TRPC7: variants seen among roughly 807,000 people sequenced by gnomAD.
The protein encoded by TRPC7 is short transient receptor potential channel 7.
In TRPC7, 42 loss-of-function variants were observed where a neutral mutation model predicts 90.1. The ratio of observed to expected loss-of-function variants is 0.47; its 90% CI spans 0.36 to 0.60. The LOEUF is 0.60. Among genes scored for constraint, TRPC7 ranks in the 20% least tolerant of loss-of-function variants. The pLI, the probability that TRPC7 is intolerant of heterozygous loss-of-function variation, is 0.00. For missense variants in TRPC7, 955 were observed against 1,112.3 expected (o/e 0.86, Z 2.01); for synonymous variants, 451 against 436.3 (o/e 1.03, Z -0.42).
At chr5:136,334,416 G>T (rs1365998984) in intron 2 of TRPC7, among the ~76,000 whole-genome samples, 1 of 152,184 alleles carries the variant, frequency 6.6e-6, no homozygotes, top group Non-Finnish European at 1.5e-5. Context: ...ATCAAGTTAG[G>T]CAAATCAGTA....
intron 10 of TRPC7, among the ~76,000 whole-genome samples, chr5:136,217,026 A>C (rs1755289279): frequency 6.6e-6 from 1 of 152,232 alleles, no homozygotes; most frequent in Non-Finnish European, 1.5e-5. Flanking sequence ...TGTAGGAAAG[A>C]CTGCAGGAGG....
At chr5:136,217,067 C>A (rs780414915) in intron 10 of TRPC7, among the ~76,000 whole-genome samples, 3 of 152,168 alleles carry the variant, frequency 2.0e-5, no homozygotes, top group Non-Finnish European at 2.9e-5. Context: ...CTAGTTGGTC[C>A]AGGGTTCCTG....
intron 1 of TRPC7, among the ~76,000 whole-genome samples, chr5:136,360,284 T>TACAAAACAAA (rs138394162): frequency 0.14 from 21,136 of 151,508 alleles, 1,934 homozygotes; most frequent in East Asian, 0.33. Context: ...TTCCACTCAT[T>TACAAAACAAA]ACAAAACAAA....
intron 7 of TRPC7, among the ~76,000 whole-genome samples, chr5:136,236,609 G>T (rs1336145445): frequency 6.6e-6 from 1 of 152,208 alleles, no homozygotes; most frequent in Admixed American, 6.5e-5. Flanking sequence ...GAATGTGGGT[G>T]TGTGGGAAGG....
rs1410534409 is a variant in TRPC7, at chr5:136,234,363, C to T, written c.1845-2814G>A. Among the ~76,000 whole-genome samples, 6 of 151,682 alleles carry T rather than the reference C, an allele frequency of 4.0e-5. No homozygotes were observed. The East Asian group carries it at 1.2e-3, about 29-fold the overall frequency. On this transcript the variant is annotated intron_variant, in intron 7 of 11. Transcript: ENST00000513104. ...CACTCTTGTCGCCCAGGCTGGAGTGCAAGTGGCACGATCTTGGCTCACGGC... is the reference window on the plus strand; with the variant it reads ...CACTCTTGTCGCCCAGGCTGGAGTGTAAGTGGCACGATCTTGGCTCACGGC...
intron 4 of TRPC7, among the ~76,000 whole-genome samples, chr5:136,270,175 T>C (rs995857325): frequency 2.1e-4 from 32 of 152,198 alleles, no homozygotes; most frequent in African/African-American, 7.2e-4. Context: ...GATGTGTGTG[T>C]GCGCGCACAC....
At chr5:136,257,813 G>C (rs1333414247) in intron 5 of TRPC7, among the ~76,000 whole-genome samples, 1 of 152,148 alleles carries the variant, frequency 6.6e-6, no homozygotes, top group Non-Finnish European at 1.5e-5. Context: ...TTAATGGATA[G>C]AAAAATAGTG....
intron 7 of TRPC7, among the ~76,000 whole-genome samples, chr5:136,243,805 G>A (rs191479232): frequency 6.6e-6 from 1 of 151,840 alleles, no homozygotes; most frequent in Non-Finnish European, 1.5e-5. Context: ...CTGTTTTTCT[G>A]TTCAATCAAA....
chr5:136,359,447 T>A (rs1561734085), intron 1 of TRPC7, among the ~76,000 whole-genome samples: 2 of 151,958 alleles, frequency 1.3e-5, no homozygotes, highest in Admixed American at 6.6e-5. Flanking sequence ...TCCACTTTTT[T>A]AAAGTGCACT....
intron 7 of TRPC7, among the ~76,000 whole-genome samples, chr5:136,242,538 C>T (rs573204538): frequency 2.6e-4 from 40 of 152,312 alleles, no homozygotes; most frequent in Admixed American, 2.3e-3. Flanking sequence ...CTGGCTACCT[C>T]TTCAGTAGCT....
chr5:136,364,465 T>C (rs369965431), intron 1 of TRPC7, among the ~76,000 whole-genome samples: 2 of 152,328 alleles, frequency 1.3e-5, no homozygotes, highest in East Asian at 3.9e-4. Context: ...TGATGTGTAC[T>C]CGGTGCTTCA....
At chr5:136,349,087 A>T (rs12517283) in intron 2 of TRPC7, among the ~76,000 whole-genome samples, 50,903 of 151,962 alleles carry the variant, frequency 0.33, 9,107 homozygotes, top group Admixed American at 0.45. Flanking sequence ...ATATTTTTCA[A>T]AAAATAATCT....
chr5:136,297,545 T>C (rs1300910585), intron 3 of TRPC7, among the ~76,000 whole-genome samples: 1 of 152,158 alleles, frequency 6.6e-6, no homozygotes, highest in Non-Finnish European at 1.5e-5. Context: ...TATACTTCTG[T>C]AATAAGTATA....
At chr5:136,334,891 G>A (rs939848469) in intron 2 of TRPC7, among the ~76,000 whole-genome samples, 9 of 152,162 alleles carry the variant, frequency 5.9e-5, no homozygotes, top group Non-Finnish European at 1.0e-4. Flanking sequence ...CTAAGAGATG[G>A]CCTTGAAGCC....
intron 8 of TRPC7, among the ~76,000 whole-genome samples, chr5:136,231,049 T>C (rs899680511): frequency 6.6e-6 from 1 of 152,160 alleles, no homozygotes; most frequent in Non-Finnish European, 1.5e-5. Flanking sequence ...CTGAAAGTCA[T>C]TCTGATTGAT....
chr5:136,261,546 T>C (rs1756858316), intron 5 of TRPC7, among the ~76,000 whole-genome samples: 1 of 152,228 alleles, frequency 6.6e-6, no homozygotes, highest in African/African-American at 2.4e-5. Flanking sequence ...CAAAGCTGAT[T>C]GTCATGTCTC....
intron 3 of TRPC7, among the ~76,000 whole-genome samples, chr5:136,294,623 T>G (rs1330575928): frequency 6.6e-6 from 1 of 152,002 alleles, no homozygotes; most frequent in Non-Finnish European, 1.5e-5. Flanking sequence ...TGGCAATCAT[T>G]AAAAAGTCAG....
Position 136,228,436 on chromosome 5 carries a change from C to CTTTT in TRPC7, c.2041-2185_2041-2182dup, listed in dbSNP as rs55851435. Among the ~76,000 whole-genome samples the CTTTT allele has an allele frequency of 7.1e-5, 10 of 140,596 alleles. No individual in the cohort carries two copies. In the South Asian group the frequency reaches 1.4e-3, roughly 19 times the overall value. 92.2% of individuals were successfully genotyped at this position (140,596 alleles called of 152,430 possible). ...CTAGAGGGAGGATTTTTTATAGTTC[C>CTTTT]TTTTTTTTTTTTTTTAAGATCAAGT... On this transcript the variant is annotated intron_variant, in intron 8 of 11. Coordinates refer to ENST00000513104, the MANE Select transcript of TRPC7 (RefSeq NM_020389.3).
At chr5:136,325,350 G>A (rs1367181368) in intron 2 of TRPC7, among the ~76,000 whole-genome samples, 4 of 152,156 alleles carry the variant, frequency 2.6e-5, no homozygotes, top group Non-Finnish European at 5.9e-5. Flanking sequence ...TATTGCAAAA[G>A]AGAGCAGAGA....
Sources: gnomAD v4.1 joint callset for allele counts (sites outside exome capture counted in the v4.1 genomes callset) on GRCh38, gnomAD v4.1.1 for gene constraint, MANE v1.5 for transcripts, NCBI Gene and HGNC (gene_info 2026-07-23, HGNC 2026-07-21) for gene names.